The following HS3ST4 variants were observed in gnomAD, a reference collection of about 807,000 sequenced individuals.
The protein encoded by HS3ST4 is heparan sulfate glucosamine 3-O-sulfotransferase 4.
HS3ST4 carries 17 observed loss-of-function variants against 29.2 expected under a neutral mutation model. The ratio of observed to expected loss-of-function variants is 0.58; its 90% CI spans 0.40 to 0.87. HS3ST4 has a LOEUF of 0.87. HS3ST4 is among the 40% of genes least tolerant of loss of function. The pLI, the probability that HS3ST4 is intolerant of heterozygous loss-of-function variation, is 0.00. For synonymous variants in HS3ST4, 314 were observed against 285.7 expected, an observed-to-expected ratio of 1.10 and a Z score of -1.00; for missense variants, 627 against 634.5, an observed-to-expected ratio of 0.99 and a Z score of 0.13.
intron 1 of HS3ST4, among the ~76,000 whole-genome samples, chr16:26,001,391 A>G (rs998269166): frequency 6.6e-6 from 1 of 152,226 alleles, no homozygotes; most frequent in African/African-American, 2.4e-5. Context: ...TGAAATGCTA[A>G]TAATAGGTAA....
chr16:26,030,899 A>G (rs1016722628), intron 1 of HS3ST4, among the ~76,000 whole-genome samples: 10 of 152,308 alleles, frequency 6.6e-5, no homozygotes, highest in Non-Finnish European at 1.2e-4. Context: ...TGCTTTCTCC[A>G]CCAAAGAACA....
chr16:26,089,073 G>A lies in HS3ST4; in HGVS notation c.735-46539G>A, dbSNP rs114743779. On this transcript the variant is annotated intron_variant, in intron 1 of 1. Coordinates refer to ENST00000331351, the MANE Select transcript of HS3ST4 (RefSeq NM_006040.3). ...GTTCCCACAAGGGTTAGTGGGGTGT[G>A]TGTGCACACGCACACATGCAAGTGT... is the stretch of plus-strand genomic sequence containing the variant. Among the ~76,000 whole-genome samples the A allele has an allele frequency of 1.5e-3, 221 of 152,320 alleles. 1 individual carries two copies. The highest frequency in any genetic ancestry group is 4.9e-3 in the African/African-American group (204 of 41,566).
chr16:25,988,058 C>T (rs1003822289), intron 1 of HS3ST4, among the ~76,000 whole-genome samples: 7 of 152,024 alleles, frequency 4.6e-5, no homozygotes, highest in African/African-American at 1.4e-4. Context: ...AGTGAGCCAC[C>T]GCTCCTGGCC....
intron 1 of HS3ST4, among the ~76,000 whole-genome samples, chr16:25,854,255 G>T (rs899989301): frequency 6.6e-6 from 1 of 152,050 alleles, no homozygotes; most frequent in Non-Finnish European, 1.5e-5. Flanking sequence ...TTACCAACAA[G>T]CGTGGCTACT....
chr16:26,107,984 G>GTTCTATTTTCTATGGAAAATAGAGGTT (rs1199379984), intron 1 of HS3ST4, among the ~76,000 whole-genome samples: 22 of 152,062 alleles, frequency 1.4e-4, no homozygotes, highest in African/African-American at 3.9e-4. Flanking sequence ...GGAAAACACT[G>GTTCTATTTTCTATGGAAAATAGAGGTT]TTCTATTTTC....
At chr16:25,798,887 A>T (rs1966905890) in intron 1 of HS3ST4, among the ~76,000 whole-genome samples, 1 of 152,150 alleles carries the variant, frequency 6.6e-6, no homozygotes, top group Admixed American at 6.5e-5. Context: ...TGTTCCAGCC[A>T]TGAGTTTGTC....
At chr16:25,863,352 AT>A (rs1489298517) in intron 1 of HS3ST4, among the ~76,000 whole-genome samples, 1 of 152,164 alleles carries the variant, frequency 6.6e-6, no homozygotes, top group African/African-American at 2.4e-5. Context: ...AAGTGCTGAG[AT>A]TACAGGCATG....
At chr16:25,881,472 T>C (rs1237005062) in intron 1 of HS3ST4, among the ~76,000 whole-genome samples, 1 of 152,144 alleles carries the variant, frequency 6.6e-6, no homozygotes, top group African/African-American at 2.4e-5. Context: ...ATAAAATCCT[T>C]CGATACCAGA....
chr16:25,742,535 C>T (rs534018527), intron 1 of HS3ST4, among the ~76,000 whole-genome samples: 1 of 152,260 alleles, frequency 6.6e-6, no homozygotes, highest in East Asian at 1.9e-4. Flanking sequence ...GTAAACATGA[C>T]AGAGAAGCAT....
intron 1 of HS3ST4, among the ~76,000 whole-genome samples, chr16:26,033,208 C>T (rs376997977): frequency 1.5e-3 from 221 of 151,904 alleles, no homozygotes; most frequent in African/African-American, 5.1e-3. Flanking sequence ...GCACAGTTCC[C>T]ATTTCTAACA....
intron 1 of HS3ST4, among the ~76,000 whole-genome samples, chr16:25,962,627 G>A (rs1968806322): frequency 6.6e-6 from 1 of 152,166 alleles, no homozygotes; most frequent in South Asian, 2.1e-4. Context: ...CAGGGATCCA[G>A]CCCCTTCATC....
Position 25,751,832 on chromosome 16 carries a change from A to G in HS3ST4, c.734+58681A>G, listed in dbSNP as rs76868545. ...GGTTAGTTTGCTTGCTGGAAGGTAC[A>G]AGGAGGAAAGGCTGGTACTGGAGCA... is the stretch of plus-strand genomic sequence containing the variant. On this transcript the variant is annotated intron_variant, in intron 1 of 1. Transcript: ENST00000331351. 1.6e-4 allele frequency among the ~76,000 whole-genome samples: 25 copies of G among 152,276 alleles called. No individual in the cohort carries two copies. In the East Asian group the frequency reaches 4.4e-3, roughly 27 times the overall value.
chr16:25,767,439 T>C (rs1966827380), intron 1 of HS3ST4, among the ~76,000 whole-genome samples: 1 of 152,104 alleles, frequency 6.6e-6, no homozygotes, highest in South Asian at 2.1e-4. Flanking sequence ...TGGCTGAGTG[T>C]CAACTCCATC....
chr16:25,921,682 A>C (rs1340732094), intron 1 of HS3ST4, among the ~76,000 whole-genome samples: 1 of 152,114 alleles, frequency 6.6e-6, no homozygotes, highest in East Asian at 1.9e-4. Flanking sequence ...GATGTGAAGG[A>C]ACCCAACAAA....
At position 26,052,709 on chromosome 16, in the gene HS3ST4, C is replaced by T. The variant is rs138265215; in HGVS notation, c.735-82903C>T. Among the ~76,000 whole-genome samples the T allele has an allele frequency of 6.9e-3, 1,044 of 152,310 alleles. 10 individuals are homozygous for T. The highest frequency in any genetic ancestry group is 0.024 in the African/African-American group (986 of 41,568). On this transcript the variant is annotated intron_variant, in intron 1 of 1. Transcript: ENST00000331351. ...GTTAAATGAAGATGTTGCCTTTTCT[C>T]CTAGGAATCTGCCTCATATCAGAGA...
chr16:25,692,769 C>T lies in HS3ST4; in HGVS notation c.352C>T (p.Pro118Ser), dbSNP rs1966264190. 1 of 1,342,460 alleles carries T rather than the reference C, an allele frequency of 7.4e-7. No individual in the cohort carries two copies. Among genetic ancestry groups the T allele is most frequent in the Middle Eastern group, 2.8e-4 (1 of 3,632 alleles). The allele number at this position is 1,342,460 out of a possible 1,614,324, so 83.2% of individuals were successfully genotyped here. A position where few individuals can be genotyped will look rare whatever the true frequency, so the allele number is the denominator to read the frequency against. ...GGAGCCGCCCGAGCCCCCAGAGCAG[C>T]CAGCCGCCCCCGGGACCGACGGCTG... ...HGEPPEPPEQ[P>S]AAPGTDGWGL... The change falls in exon 1 of 2, where the codon CCA (proline) becomes TCA (serine). Residue 118 changes from proline to serine, a missense_variant. Pro to Ser is a moderately conservative substitution (Grantham distance 74). Transcript: ENST00000331351.
Position 25,821,057 on chromosome 16 carries a change from A to AT in HS3ST4, c.734+127926dup, listed in dbSNP as rs1259738012. Among the ~76,000 whole-genome samples the AT allele has an allele frequency of 9.5e-3, 1,280 of 135,032 alleles. 12 individuals carry two copies. Among genetic ancestry groups the AT allele is most frequent in the East Asian group, 0.022 (102 of 4,700 alleles). 88.6% of individuals were successfully genotyped at this position (135,032 alleles called of 152,430 possible). A position where few individuals can be genotyped will look rare whatever the true frequency, so the allele number is the denominator to read the frequency against. Reference sequence around the variant, plus strand: ...CATTGACATTCATTTGCGCCTTTGAATTTTTTTTTTTTTTTTTTTTGAGAC... The same window carrying AT: ...CATTGACATTCATTTGCGCCTTTGAATTTTTTTTTTTTTTTTTTTTTGAGAC... On this transcript the variant is annotated intron_variant, in intron 1 of 1. Transcript: ENST00000331351.
chr16:25,779,522 A>G (rs1380326068), intron 1 of HS3ST4, among the ~76,000 whole-genome samples: 2 of 152,210 alleles, frequency 1.3e-5, no homozygotes, highest in African/African-American at 4.8e-5. Flanking sequence ...ACTAACATTT[A>G]CTACCTGTCC....
chr16:25,956,363 T>C (rs1332511638), intron 1 of HS3ST4, among the ~76,000 whole-genome samples: 1 of 152,206 alleles, frequency 6.6e-6, no homozygotes, highest in African/African-American at 2.4e-5. Flanking sequence ...GAAGTTGTTC[T>C]TGTTTGCTCT....
Sources: gnomAD v4.1 joint callset for allele counts (sites outside exome capture counted in the v4.1 genomes callset) on GRCh38, gnomAD v4.1.1 for gene constraint, MANE v1.5 for transcripts, NCBI Gene and HGNC (gene_info 2026-07-23, HGNC 2026-07-21) for gene names.